CCDC7: variants seen among roughly 807,000 people sequenced by gnomAD.
The protein encoded by CCDC7 is coiled-coil domain-containing protein 7.
In CCDC7, 183 loss-of-function variants were observed where a neutral mutation model predicts 196.9. The observed-to-expected ratio is 0.93, with a 90% CI of 0.82 to 1.05. The LOEUF is 1.05. CCDC7 is among the 50% of genes least tolerant of loss of function. CCDC7 has a pLI of 0.00. For synonymous variants in CCDC7, 525 were observed against 484.6 expected (o/e 1.08, Z -1.10); for missense variants, 1,540 against 1,482.2 (o/e 1.04, Z -0.64).
At chr10:32,572,658 A>G (rs958841541) in intron 16 of CCDC7, among the ~76,000 whole-genome samples, 1 of 152,162 alleles carries the variant, frequency 6.6e-6, no homozygotes, top group Non-Finnish European at 1.5e-5. Context: ...ACAATGTCCA[A>G]GAGAAAATTA....
intron 29 of CCDC7, among the ~76,000 whole-genome samples, chr10:32,791,035 C>G (rs920993865): frequency 6.6e-6 from 1 of 152,126 alleles, no homozygotes. Context: ...ACTCCTGAAG[C>G]CTTTGTCACT....
At chr10:32,871,687 G>T (rs2094436499) in intron 41 of CCDC7, among the ~76,000 whole-genome samples, 1 of 152,052 alleles carries the variant, frequency 6.6e-6, no homozygotes, top group Non-Finnish European at 1.5e-5. Context: ...TTTTAATTGT[G>T]ATGTTAGGGT....
intron 41 of CCDC7, among the ~76,000 whole-genome samples, chr10:32,863,406 G>A (rs1435518430): frequency 6.6e-6 from 1 of 152,050 alleles, no homozygotes; most frequent in Non-Finnish European, 1.5e-5. Flanking sequence ...GGGCTAGAAT[G>A]CAGTGGCATG....
intron 8 of CCDC7, among the ~76,000 whole-genome samples, chr10:32,488,288 C>T (rs1481054952): frequency 3.9e-5 from 6 of 152,180 alleles, no homozygotes; most frequent in South Asian, 2.1e-4. Context: ...CCAAGCCAGG[C>T]GCGGGATATA....
At chr10:32,562,645 T>C (rs1475885644) in intron 13 of CCDC7, among the ~76,000 whole-genome samples, 8 of 152,184 alleles carry the variant, frequency 5.3e-5, no homozygotes, top group African/African-American at 1.9e-4. Flanking sequence ...TGATGGGACG[T>C]ATCTCAAAAT....
chr10:32,851,767 C>T (rs1367046075), intron 39 of CCDC7, 40 bp from the exon 41 acceptor site: 1 of 1,556,384 alleles, frequency 6.4e-7, no homozygotes, highest in Admixed American at 1.8e-5. Context: ...TTACAAATGT[C>T]ATCTATTGTA....
At chr10:32,819,140 T>C (rs1032801709) in intron 31 of CCDC7, among the ~76,000 whole-genome samples, 17 of 152,020 alleles carry the variant, frequency 1.1e-4, no homozygotes, top group South Asian at 2.1e-4. Flanking sequence ...GATATCACCA[T>C]TGATCCCACA....
At chr10:32,709,187 T>C (rs191696792) in intron 24 of CCDC7, among the ~76,000 whole-genome samples, 253 of 151,950 alleles carry the variant, frequency 1.7e-3, no homozygotes, top group Non-Finnish European at 3.2e-3. Flanking sequence ...TGGATGAAGC[T>C]GGAAACCATC....
At chr10:32,855,777 A>G (rs1356796517) in intron 41 of CCDC7, among the ~76,000 whole-genome samples, 1 of 152,206 alleles carries the variant, frequency 6.6e-6, no homozygotes, top group African/African-American at 2.4e-5. Context: ...TAGTCAAAAT[A>G]ATCTTGACAA....
chr10:32,558,308 G>A lies in CCDC7; in HGVS notation c.1135-7250G>A, dbSNP rs567803422. Among the ~76,000 whole-genome samples the A allele has an allele frequency of 3.3e-5, 5 of 151,852 alleles. No individual in the cohort carries two copies. In the East Asian group the frequency reaches 5.8e-4, roughly 18 times the overall value. The stretch of plus-strand genomic sequence containing the variant: ...CTTTAATATATAATTAACACTATTC[G>A]ATTTAAAATGTAAATTCTATGTTTA... On this transcript the variant is annotated intron_variant, in intron 13 of 41. Coordinates refer to ENST00000639629, the Ensembl canonical transcript of CCDC7.
At chr10:32,854,400 G>A in exon 41 of CCDC7, 7 of 1,571,502 alleles carry the variant, frequency 4.5e-6, no homozygotes, top group Non-Finnish European at 6.1e-6. Context: ...ATTTTTTTAG[G>A]GCATTCGAAA....
At position 32,492,602 on chromosome 10, in the gene CCDC7, A is replaced by C. The variant is rs552824162; in HGVS notation, c.872+605A>C. Reference sequence around the variant, plus strand: ...GCCAGCCACAAAAAAGACAAATGCAATTATTCCTCTTACATGAGGTATCTA... The same window carrying C: ...GCCAGCCACAAAAAAGACAAATGCACTTATTCCTCTTACATGAGGTATCTA... On this transcript the variant is annotated intron_variant, in intron 9 of 41. Coordinates refer to ENST00000639629, the Ensembl canonical transcript of CCDC7. Among the ~76,000 whole-genome samples, 4 of 152,260 alleles carry C rather than the reference A, an allele frequency of 2.6e-5. No homozygotes were observed. In the East Asian group the frequency reaches 7.7e-4, roughly 29 times the overall value.
At chr10:32,606,996 C>T (rs1279595672) in intron 18 of CCDC7, among the ~76,000 whole-genome samples, 1 of 152,110 alleles carries the variant, frequency 6.6e-6, no homozygotes, top group Non-Finnish European at 1.5e-5. Flanking sequence ...AACGTAAACC[C>T]CAAAGTTGGA....
chr10:32,749,230 G>C (rs992576448), intron 28 of CCDC7, among the ~76,000 whole-genome samples: 11 of 152,226 alleles, frequency 7.2e-5, no homozygotes, highest in African/African-American at 2.4e-4. Context: ...TTTACTTGTT[G>C]TTAGGATGGA....
chr10:32,486,121 T>C (rs964871191), intron 8 of CCDC7, among the ~76,000 whole-genome samples: 1 of 152,210 alleles, frequency 6.6e-6, no homozygotes, highest in Non-Finnish European at 1.5e-5. Context: ...ATTATTATTG[T>C]GTGGGAGTCT....
At position 32,453,315 on chromosome 10, in the gene CCDC7, T is replaced by C. The variant is rs534594542; in HGVS notation, c.280-29T>C. ...TAATTAATTTTAAACTATTAAAGTA[T>C]CTAATTGGCTTTTATTTTTTTTTTA... On this transcript the variant is annotated intron_variant, in intron 1 of 41. Transcript: ENST00000639629. 15 of 1,421,714 alleles carry C rather than the reference T, an allele frequency of 1.1e-5. No individual in the cohort carries two copies. The Admixed American group carries it at 3.2e-4, about 30-fold the overall frequency. The allele number at this position is 1,421,714 out of a possible 1,614,324, so 88.1% of individuals were successfully genotyped here.
At chr10:32,563,798 A>G (rs2056243909) in intron 13 of CCDC7, among the ~76,000 whole-genome samples, 1 of 152,098 alleles carries the variant, frequency 6.6e-6, no homozygotes, top group Admixed American at 6.6e-5. Context: ...AAATTGACAA[A>G]TGGGATCTAA....
chr10:32,703,067 G>A (rs2079038341), intron 24 of CCDC7, among the ~76,000 whole-genome samples: 1 of 152,188 alleles, frequency 6.6e-6, no homozygotes, highest in East Asian at 1.9e-4. Context: ...TATGATGTTA[G>A]CTGGTTATTT....
At chr10:32,726,032 G>A (rs1261145923) in intron 25 of CCDC7, among the ~76,000 whole-genome samples, 1 of 151,928 alleles carries the variant, frequency 6.6e-6, no homozygotes, top group Non-Finnish European at 1.5e-5. Context: ...TTCCTGCCCT[G>A]TTGTCTTGTA....
Sources: allele counts gnomAD v4.1 joint callset (sites outside exome capture counted in the v4.1 genomes callset), GRCh38; gene constraint gnomAD v4.1.1; transcripts MANE v1.5; gene names NCBI Gene and HGNC (gene_info 2026-07-23, HGNC 2026-07-21).